The following ADGRG6 variants were observed in gnomAD, a reference collection of about 807,000 sequenced individuals.
ADGRG6 encodes adhesion G protein-coupled receptor G6, also known as G-protein coupled receptor 126.
A neutral mutation model predicts 142.4 loss-of-function variants in ADGRG6; 84 were observed. The ratio of observed to expected loss-of-function variants is 0.59; its 90% CI spans 0.49 to 0.71. The LOEUF (loss-of-function observed/expected upper bound fraction) is 0.71, where lower values mean the gene tolerates loss of function less well. ADGRG6 is among the 30% of genes least tolerant of loss of function. The pLI, the probability that ADGRG6 is intolerant of heterozygous loss-of-function variation, is 0.00. For synonymous variants in ADGRG6, 521 were observed against 520.5 expected, an observed-to-expected ratio of 1.00 and a Z score of -0.01; for missense variants, 1,367 against 1,466.6, an observed-to-expected ratio of 0.93 and a Z score of 1.11.
At chr6:142,393,750 T>C in intron 8 of ADGRG6, 146 bp from the exon 9 acceptor site, 1 of 583,978 alleles carries the variant, frequency 1.7e-6, no homozygotes, top group Non-Finnish European at 3.1e-6. Context: ...CCTAGCTTTC[T>C]GAAAGAAGCT....
chr6:142,392,886 C>T (rs1774972514), intron 7 of ADGRG6, 62 bp from the exon 8 acceptor site: 1 of 1,092,456 alleles, frequency 9.2e-7, no homozygotes, highest in Non-Finnish European at 1.4e-6. Flanking sequence ...TAGGTAGAAA[C>T]TTGAATTAGA....
intron 11 of ADGRG6, among the ~76,000 whole-genome samples, chr6:142,401,191 T>G (rs1775504676): frequency 6.6e-6 from 1 of 152,170 alleles, no homozygotes; most frequent in Non-Finnish European, 1.5e-5. Flanking sequence ...CATAAATACT[T>G]TGCATACTAT....
At chr6:142,415,387 T>C (rs1466166621) in intron 19 of ADGRG6, among the ~76,000 whole-genome samples, 1 of 152,192 alleles carries the variant, frequency 6.6e-6, no homozygotes, top group African/African-American at 2.4e-5. Flanking sequence ...AAAATGTTTG[T>C]TTTATAATCT....
intron 2 of ADGRG6, among the ~76,000 whole-genome samples, chr6:142,327,189 C>G (rs974455798): frequency 6.6e-6 from 1 of 151,390 alleles, no homozygotes; most frequent in African/African-American, 2.4e-5. Flanking sequence ...ATTTTTAAAG[C>G]CTCATAAAAT....
At chr6:142,306,750 A>G (rs946303006) in intron 1 of ADGRG6, among the ~76,000 whole-genome samples, 3 of 152,032 alleles carry the variant, frequency 2.0e-5, no homozygotes, top group Admixed American at 1.3e-4. Context: ...AGGATTTTCC[A>G]TTCTTGGGAG....
At chr6:142,312,099 ATTC>A (rs1777797176) in intron 2 of ADGRG6, among the ~76,000 whole-genome samples, 1 of 151,912 alleles carries the variant, frequency 6.6e-6, no homozygotes, top group South Asian at 2.1e-4. Flanking sequence ...ATCATATCAT[ATTC>A]TTAGTGATAA....
chr6:142,388,269 A>G (rs922076589), intron 6 of ADGRG6, among the ~76,000 whole-genome samples: 3 of 152,162 alleles, frequency 2.0e-5, no homozygotes, highest in Non-Finnish European at 2.9e-5. Context: ...GGGGCAGGAA[A>G]CAATGTTTAA....
intron 2 of ADGRG6, among the ~76,000 whole-genome samples, chr6:142,311,007 C>T (rs1027539183): frequency 1.4e-4 from 22 of 151,812 alleles, no homozygotes; most frequent in African/African-American, 5.1e-4. Flanking sequence ...CTTGAGACCA[C>T]GGCACCTCCA....
intron 2 of ADGRG6, among the ~76,000 whole-genome samples, chr6:142,328,403 A>G (rs1056567169): frequency 6.6e-6 from 1 of 152,106 alleles, no homozygotes; most frequent in African/African-American, 2.4e-5. Flanking sequence ...GTGTTTCACC[A>G]TGTTGCCCAG....
intron 1 of ADGRG6, chr6:142,302,659 T>A (rs1777286885): frequency 2.8e-6 from 1 of 358,866 alleles, no homozygotes; most frequent in Non-Finnish European, 5.0e-6. Flanking sequence ...AAACAAGGAG[T>A]AACAGGCACC....
At chr6:142,361,088 T>TA (rs1228180067) in intron 2 of ADGRG6, among the ~76,000 whole-genome samples, 1 of 152,194 alleles carries the variant, frequency 6.6e-6, no homozygotes, top group African/African-American at 2.4e-5. Flanking sequence ...TTGAAATTCT[T>TA]AGAGAAAGAT....
intron 2 of ADGRG6, among the ~76,000 whole-genome samples, chr6:142,336,526 G>C (rs964787294): frequency 6.6e-6 from 1 of 152,100 alleles, no homozygotes; most frequent in South Asian, 2.1e-4. Flanking sequence ...TAGCTTATCT[G>C]TTACATGGTA....
intron 2 of ADGRG6, among the ~76,000 whole-genome samples, chr6:142,353,598 TA>T (rs1780292802): frequency 6.6e-6 from 1 of 152,362 alleles, no homozygotes; most frequent in East Asian, 1.9e-4. Flanking sequence ...ATGTACTTTT[TA>T]AATTAAAATT....
chr6:142,419,458 C>A (rs2115094343), intron 21 of ADGRG6, among the ~76,000 whole-genome samples: 1 of 152,138 alleles, frequency 6.6e-6, no homozygotes, highest in Admixed American at 6.5e-5. Context: ...CAAAGGAGAC[C>A]AAAAATTAGT....
Position 142,370,711 on chromosome 6 carries a change from G to A in ADGRG6, c.987G>A (p.Val329=). ...AKILSNLSCN[V]KGNVVDWQND... is the part of the protein sequence containing the mutation. ...TCCTCTCCAACCTCAGCTGTAATGT[G>A]AAAGGGAATGTAGTCGACTGGCAAA... Residue 329 remains valine (V), a synonymous_variant, in exon 4 of 25, where the codon GTG becomes GTA. Transcript: ENST00000367609. 1.9e-6 allele frequency: 3 copies of A among 1,613,610 alleles called. No homozygotes were observed. The South Asian group carries it at 3.3e-5, about 18-fold the overall frequency.
intron 22 of ADGRG6, among the ~76,000 whole-genome samples, chr6:142,437,002 T>C (rs543892050): frequency 8.5e-5 from 13 of 152,332 alleles, no homozygotes; most frequent in Admixed American, 5.2e-4. Flanking sequence ...ATATGTAAAA[T>C]AGCTCAGAAT....
intron 2 of ADGRG6, among the ~76,000 whole-genome samples, chr6:142,363,334 T>G (rs549385410): frequency 6.6e-6 from 1 of 151,610 alleles, no homozygotes; most frequent in African/African-American, 2.4e-5. Context: ...AAATCTGAGA[T>G]TAAAAAAAAA....
intron 22 of ADGRG6, among the ~76,000 whole-genome samples, chr6:142,428,331 G>A (rs1471051055): frequency 6.6e-6 from 1 of 151,640 alleles, no homozygotes; most frequent in African/African-American, 2.4e-5. Flanking sequence ...TGTTAAATGG[G>A]TATCAGAAAA....
Position 142,443,403 on chromosome 6 carries a change from T to C in ADGRG6, c.3641T>C (p.Ile1214Thr), listed in dbSNP as rs777150405. The C allele has an allele frequency of 6.2e-7, 1 of 1,611,492 alleles. No individual in the cohort carries two copies. Among genetic ancestry groups the C allele is most frequent in the Non-Finnish European group, 8.5e-7 (1 of 1,177,756 alleles). Residue 1214 changes from isoleucine (I) to threonine (T), a missense_variant, in exon 25 of 25, where the codon ATC (isoleucine) becomes ACC (threonine). Ile to Thr is a moderately conservative substitution (Grantham distance 89). Coordinates refer to ENST00000367609, the MANE Select transcript of ADGRG6 (RefSeq NM_198569.3). ...GCTGATGGAGATCAAACATCAATCA[T>C]CCCTGTCCATCAGGTCATTGATAAG... ...AHADGDQTSI[I>T]PVHQVIDKVK...
Sources: allele counts gnomAD v4.1 joint callset (sites outside exome capture counted in the v4.1 genomes callset), GRCh38; gene constraint gnomAD v4.1.1; transcripts MANE v1.5; gene names NCBI Gene and HGNC (gene_info 2026-07-23, HGNC 2026-07-21).